SYT7: variants seen among roughly 807,000 people sequenced by gnomAD.
The protein encoded by SYT7 is synaptotagmin-7.
Under a neutral mutation model 75.1 loss-of-function variants are expected in SYT7, and 29 were observed. The ratio of observed to expected loss-of-function variants is 0.39; its 90% CI spans 0.29 to 0.53. The LOEUF is 0.53. Among genes scored for constraint, SYT7 ranks in the 20% least tolerant of loss-of-function variants. The pLI is 0.77. For synonymous variants in SYT7, 376 were observed against 401.7 expected, an observed-to-expected ratio of 0.94 and a Z score of 0.76; for missense variants, 693 against 953.2, an observed-to-expected ratio of 0.73 and a Z score of 3.59.
intron 8 of SYT7, chr11:61,531,122 A>C: frequency 1.0e-6 from 1 of 985,454 alleles, no homozygotes; most frequent in Non-Finnish European, 1.2e-6. Flanking sequence ...CTGAGGTCAC[A>C]GTGGGCTGAT....
Position 61,580,984 on chromosome 11 carries a change from GCCCGCCAGCCCT to G in SYT7, c.-176_-165del. On this transcript the variant is annotated 5_prime_UTR_variant, in exon 1 of 13. Transcript: ENST00000539008. This position sits in a 1 kb window ranked among gnomAD's most constrained non-coding sequence, Gnocchi z 6.1. Reference sequence around the variant, plus strand: ...GCCGCGGAGCCGGGGAGCGGGGGCCGCCCGCCAGCCCTCCCGCCCGCCCGCGGAGCACGCTGC... The same window carrying G: ...GCCGCGGAGCCGGGGAGCGGGGGCCGCCCGCCCGCCCGCGGAGCACGCTGC... 1 of 972,880 alleles carries G rather than the reference GCCCGCCAGCCCT, an allele frequency of 1.0e-6. No individual in the cohort carries two copies. The highest frequency in any genetic ancestry group is 1.2e-6 in the Non-Finnish European group (1 of 820,572). 60.3% of individuals were successfully genotyped at this position (972,880 alleles called of 1,614,324 possible).
At chr11:61,532,335 GC>G (rs1197066061) in intron 8 of SYT7, among the ~76,000 whole-genome samples, 3 of 152,122 alleles carry the variant, frequency 2.0e-5, no homozygotes, top group Non-Finnish European at 4.4e-5. Context: ...ACTCACTGCT[GC>G]CCCCCTGGGG....
chr11:61,555,740 T>A (rs2063483444), intron 2 of SYT7, among the ~76,000 whole-genome samples: 1 of 151,894 alleles, frequency 6.6e-6, no homozygotes, highest in Non-Finnish European at 1.5e-5. Context: ...TCTGCGCGTG[T>A]GTGCCTGCGG....
chr11:61,521,769 C>T (rs2062342785), intron 12 of SYT7, among the ~76,000 whole-genome samples: 1 of 152,200 alleles, frequency 6.6e-6, no homozygotes, highest in Non-Finnish European at 1.5e-5. Context: ...CCCCTTCCTC[C>T]ATGACTGCCC....
upstream of SYT7, among the ~76,000 whole-genome samples, chr11:61,585,950 G>C (rs755249036): frequency 9.2e-5 from 14 of 152,166 alleles, no homozygotes; most frequent in Non-Finnish European, 1.9e-4. Context: ...ACAAAGATGT[G>C]AGAATACCCT....
In SYT7 at chr11:61,553,850, G is replaced by A. The variant is rs1169495696; in HGVS notation, c.135+2254C>T. On this transcript the variant is annotated intron_variant, in intron 2 of 12. Coordinates refer to ENST00000539008, the MANE Select transcript of SYT7 (RefSeq NM_001365809.2). This position sits in a 1 kb window ranked among gnomAD's most constrained non-coding sequence, Gnocchi z 5.2. ...GTCACTGCTGCTGAGGGGACAGGCA[G>A]GCAAGGAGAGCCCAACAACTGTGTG... Among the ~76,000 whole-genome samples, 2 of 152,182 alleles carry A rather than the reference G, an allele frequency of 1.3e-5. No individual in the cohort carries two copies. The highest frequency in any genetic ancestry group is 2.9e-5 in the Non-Finnish European group (2 of 68,028).
intron 3 of SYT7, among the ~76,000 whole-genome samples, chr11:61,549,305 A>C (rs551883388): frequency 6.6e-6 from 1 of 152,330 alleles, no homozygotes; most frequent in South Asian, 2.1e-4. Context: ...GAAATTTGGG[A>C]AACACTGATT....
intron 6 of SYT7, among the ~76,000 whole-genome samples, chr11:61,538,972 CTTTGTGGTA>C: frequency 6.6e-6 from 1 of 152,174 alleles, no homozygotes; most frequent in East Asian, 1.9e-4. Context: ...AATGAAAGTC[CTTTGTGGTA>C]TATGGCAACT....
Position 61,523,029 on chromosome 11 carries a change from C to T in SYT7, c.1956+46G>A, listed in dbSNP as rs1291143137. Reference sequence around the variant, plus strand: ...CGCTGCTTCTTTTAAGGAACGGAGCCTCACTGGTGCCAGCAGGTGCACCAC... The same window carrying T: ...CGCTGCTTCTTTTAAGGAACGGAGCTTCACTGGTGCCAGCAGGTGCACCAC... On this transcript the variant is annotated intron_variant, in intron 12 of 12. Transcript: ENST00000539008. This position sits in a 1 kb window ranked among gnomAD's most constrained non-coding sequence, Gnocchi z 5.0. 6.2e-7 allele frequency: 1 copy of T among 1,603,924 alleles called. No individual in the cohort carries two copies. Among genetic ancestry groups the T allele is most frequent in the East Asian group, 2.2e-5 (1 of 44,834 alleles).
chr11:61,529,355 C>A (rs2062630139), intron 8 of SYT7, among the ~76,000 whole-genome samples: 1 of 152,210 alleles, frequency 6.6e-6, no homozygotes, highest in Non-Finnish European at 1.5e-5. Context: ...ATCAAGTGGG[C>A]TCTTACCATG....
upstream of SYT7, among the ~76,000 whole-genome samples, chr11:61,585,133 C>A (rs1006154661): frequency 6.6e-6 from 1 of 152,196 alleles, no homozygotes; most frequent in Non-Finnish European, 1.5e-5. Context: ...CAAACAGGGC[C>A]CCTGATGCTG....
rs565574239 is a variant in SYT7 at position 61,524,637 on chromosome 11, C to T, written c.1472-105G>A. 114 of 1,152,870 alleles carry T rather than the reference C, an allele frequency of 9.9e-5. No individual in the cohort carries two copies. The South Asian group carries it at 1.3e-3, about 13-fold the overall frequency. The allele number at this position is 1,152,870 out of a possible 1,614,324, so 71.4% of individuals were successfully genotyped here. A position where few individuals can be genotyped will look rare whatever the true frequency, so the allele number is the denominator to read the frequency against. On this transcript the variant is annotated intron_variant, in intron 9 of 12. Transcript: ENST00000539008. The surrounding 1 kb of genome is among the most constrained non-coding windows in gnomAD (Gnocchi z 4.1). ...AGAGGAGGCAGGCCCTGTGCCCTCC[C>T]GCTGCCACCCCACCGGGCCAGCAGG...
At chr11:61,577,215 T>C (rs566524441) in intron 1 of SYT7, among the ~76,000 whole-genome samples, 14 of 152,320 alleles carry the variant, frequency 9.2e-5, no homozygotes, top group African/African-American at 2.6e-4. Flanking sequence ...CCATGCCCCA[T>C]TGAAATCATC....
At chr11:61,527,775 G>A (rs774430440) in intron 9 of SYT7, 140 bp downstream of exon 9, 1 of 985,444 alleles carries the variant, frequency 1.0e-6, no homozygotes. Context: ...GTATCTGCTT[G>A]CATGTGTGTT....
intron 1 of SYT7, among the ~76,000 whole-genome samples, chr11:61,577,147 C>A (rs77652719): frequency 0.088 from 13,338 of 152,254 alleles, 1,434 homozygotes; most frequent in African/African-American, 0.26. Context: ...AACCAGGGCC[C>A]TGGAGGGGGC....
At chr11:61,545,261 A>G (rs1299498099) in intron 5 of SYT7, among the ~76,000 whole-genome samples, 1 of 152,212 alleles carries the variant, frequency 6.6e-6, no homozygotes, top group African/African-American at 2.4e-5. Context: ...TCAGACAGCT[A>G]TTACAGAGGG....
chr11:61,555,763 G>A (rs1337915594), intron 2 of SYT7, among the ~76,000 whole-genome samples: 2 of 149,946 alleles, frequency 1.3e-5, no homozygotes, highest in African/African-American at 5.1e-5. Flanking sequence ...CTTTATGCGG[G>A]AGGCAGGGCG....
intron 1 of SYT7, among the ~76,000 whole-genome samples, chr11:61,558,770 T>A (rs562348516): frequency 6.6e-6 from 1 of 152,062 alleles, no homozygotes; most frequent in South Asian, 2.1e-4. Context: ...GAGACGGAGC[T>A]CTGCTCTTTT....
Position 61,524,228 on chromosome 11 carries a change from G to T in SYT7, c.1641+135C>A. 9.2e-7 allele frequency: 1 copy of T among 1,088,904 alleles called. No individual in the cohort carries two copies. The highest frequency in any genetic ancestry group is 1.3e-6 in the Non-Finnish European group (1 of 769,772). The allele number at this position is 1,088,904 out of a possible 1,614,324, so 67.5% of individuals were successfully genotyped here. On this transcript the variant is annotated intron_variant, in intron 10 of 12. Coordinates refer to ENST00000539008, the MANE Select transcript of SYT7 (RefSeq NM_001365809.2). This position sits in a 1 kb window ranked among gnomAD's most constrained non-coding sequence, Gnocchi z 4.1. Reference sequence around the variant, plus strand: ...TGTTCTGACTGCTAGCGAGGGCTGAGCTCCATCGGGTCCACCCATCTGCAC... The same window carrying T: ...TGTTCTGACTGCTAGCGAGGGCTGATCTCCATCGGGTCCACCCATCTGCAC...
Sources: gnomAD v4.1 joint callset for allele counts (sites outside exome capture counted in the v4.1 genomes callset) on GRCh38, gnomAD v4.1.1 for gene constraint, Gnocchi (gnomAD v3.1) non-coding constraint, MANE v1.5 for transcripts, NCBI Gene and HGNC (gene_info 2026-07-23, HGNC 2026-07-21) for gene names.